The following YWHAE variants were observed in gnomAD, a reference collection of about 807,000 sequenced individuals.
YWHAE encodes the protein 14-3-3 protein epsilon.
In YWHAE, 4 loss-of-function variants were observed where a neutral mutation model predicts 30.1. That is an observed-to-expected ratio of 0.13 (90% CI 0.07 to 0.30). The LOEUF (loss-of-function observed/expected upper bound fraction) is 0.30. Among genes scored for constraint, YWHAE ranks in the 10% least tolerant of loss-of-function variants. YWHAE has a pLI of 1.00. For synonymous variants in YWHAE, 118 were observed against 111.8 expected (o/e 1.06, Z -0.35); for missense variants, 121 against 315.9 (o/e 0.38, Z 4.68).
intron 5 of YWHAE, among the ~76,000 whole-genome samples, chr17:1,350,183 C>T (rs916249920): frequency 1.3e-5 from 2 of 151,486 alleles, no homozygotes; most frequent in African/African-American, 2.4e-5. Flanking sequence ...AACTCCTGAC[C>T]TCAGGTGATC....
intron 5 of YWHAE, among the ~76,000 whole-genome samples, chr17:1,351,522 C>T (rs1039924461): frequency 6.6e-6 from 1 of 151,860 alleles, no homozygotes; most frequent in East Asian, 2.0e-4. Context: ...CCAAACTCTC[C>T]GCATGCTTTC....
At chr17:1,395,359 C>G (rs1382057555) in intron 1 of YWHAE, among the ~76,000 whole-genome samples, 1 of 152,036 alleles carries the variant, frequency 6.6e-6, no homozygotes, top group Non-Finnish European at 1.5e-5. Context: ...GAAACCTCGT[C>G]TCTACTAAAA....
chr17:1,383,549 C>T lies in YWHAE; in HGVS notation c.64+16498G>A, dbSNP rs559898154. On this transcript the variant is annotated intron_variant, in intron 1 of 5. Transcript: ENST00000264335. ...GATTACAGGCACGTGCCACCACGCC[C>T]GGCAAGTTTTTGTATTTTTAGTAGA... 4.4e-3 allele frequency among the ~76,000 whole-genome samples: 551 copies of T among 125,564 alleles called. 1 individual carries two copies. Among genetic ancestry groups the T allele is most frequent in the Middle Eastern group, 0.011 (3 of 262 alleles). The allele number at this position is 125,564 out of a possible 152,430, so 82.4% of individuals were successfully genotyped here.
intron 1 of YWHAE, among the ~76,000 whole-genome samples, chr17:1,391,944 T>C (rs965000355): frequency 2.6e-5 from 4 of 152,122 alleles, no homozygotes; most frequent in African/African-American, 9.7e-5. Context: ...TTGCCAGCCA[T>C]GGTGGCTCAC....
rs534666379 is a variant in YWHAE, at chr17:1,399,794, C to G, written c.64+253G>C. The G allele has an allele frequency of 3.8e-3, 1,637 of 425,818 alleles. 24 individuals carry two copies. The highest frequency in any genetic ancestry group is 0.016 in the African/African-American group (784 of 47,952). The allele number at this position is 425,818 out of a possible 1,614,324, so 26.4% of individuals were successfully genotyped here. On this transcript the variant is annotated intron_variant, in intron 1 of 5. Transcript: ENST00000264335. ...CTCCCCCCAGCCGCCATTTTACAAC[C>G]AACTCCTCCACCCCGTCGCCCCGGC...
chr17:1,388,523 C>CA (rs771810570), intron 1 of YWHAE, among the ~76,000 whole-genome samples: 5,493 of 124,344 alleles, frequency 0.044, 170 homozygotes, highest in African/African-American at 0.097. Context: ...GACTCTGTCT[C>CA]AAAAAAAAAA....
intron 3 of YWHAE, chr17:1,361,659 T>A (rs2072866945): frequency 6.5e-6 from 3 of 463,204 alleles, no homozygotes; most frequent in Non-Finnish European, 1.1e-5. Context: ...CTAAGCACTG[T>A]GAAATGTATG....
chr17:1,384,487 C>G (rs962052591), intron 1 of YWHAE, among the ~76,000 whole-genome samples: 7 of 149,592 alleles, frequency 4.7e-5, no homozygotes, highest in Non-Finnish European at 8.9e-5. Flanking sequence ...GTCAGGAGAT[C>G]AAGACCATCC....
chr17:1,386,469 T>C (rs1327259363), intron 1 of YWHAE, among the ~76,000 whole-genome samples: 1 of 152,260 alleles, frequency 6.6e-6, no homozygotes, highest in Non-Finnish European at 1.5e-5. Context: ...GTGTCTAAAG[T>C]GTCTAGAACA....
chr17:1,395,094 A>G (rs1007842348), intron 1 of YWHAE, among the ~76,000 whole-genome samples: 14 of 143,932 alleles, frequency 9.7e-5, no homozygotes, highest in Non-Finnish European at 1.7e-4. Flanking sequence ...GTCATCCATG[A>G]AAAAAAAAAA....
At chr17:1,362,151 G>C in intron 2 of YWHAE, 143 bp from the exon 3 acceptor site, 1 of 548,620 alleles carries the variant, frequency 1.8e-6, no homozygotes, top group South Asian at 3.1e-5. Context: ...CTTCCTTCTT[G>C]ACACAAAAGC....
intron 4 of YWHAE, among the ~76,000 whole-genome samples, chr17:1,358,566 G>A (rs573885603): frequency 3.3e-5 from 5 of 151,578 alleles, no homozygotes; most frequent in African/African-American, 1.2e-4. Flanking sequence ...TTGGCCGGGC[G>A]CAGTGGCTCA....
chr17:1,375,954 G>A (rs1321855588), intron 1 of YWHAE, among the ~76,000 whole-genome samples: 1 of 152,176 alleles, frequency 6.6e-6, no homozygotes, highest in Non-Finnish European at 1.5e-5. Context: ...TGCTAAAATA[G>A]GCACTGTTCC....
intron 5 of YWHAE, among the ~76,000 whole-genome samples, chr17:1,350,171 C>T (rs369901978): frequency 2.1e-4 from 32 of 151,632 alleles, no homozygotes; most frequent in South Asian, 1.5e-3. Flanking sequence ...AGGCTGGTCT[C>T]GAACTCCTGA....
At chr17:1,354,108 T>TA in intron 5 of YWHAE, 103 bp downstream of exon 5, 2 of 1,437,504 alleles carry the variant, frequency 1.4e-6, no homozygotes, top group Non-Finnish European at 1.9e-6. Flanking sequence ...GCGGTGAATC[T>TA]AAATTCTAGC....
chr17:1,358,828 T>TAAAA (rs1219797455), intron 4 of YWHAE, among the ~76,000 whole-genome samples: 1 of 64,300 alleles, frequency 1.6e-5, no homozygotes, highest in African/African-American at 4.6e-5. Flanking sequence ...AGACTCCATC[T>TAAAA]TAAAAAAAAA....
intron 1 of YWHAE, among the ~76,000 whole-genome samples, chr17:1,382,000 AAAG>A (rs72438542): frequency 0.073 from 11,016 of 151,440 alleles, 1,231 homozygotes; most frequent in African/African-American, 0.24. Flanking sequence ...AAAAGTTATT[AAAG>A]GAGACTCAAA....
At chr17:1,383,165 AC>A (rs1217320639) in intron 1 of YWHAE, among the ~76,000 whole-genome samples, 3 of 151,916 alleles carry the variant, frequency 2.0e-5, no homozygotes, top group Non-Finnish European at 2.9e-5. Flanking sequence ...AGCCTGACCA[AC>A]ATAGAGAAAC....
At chr17:1,378,088 G>A (rs555995944) in intron 1 of YWHAE, among the ~76,000 whole-genome samples, 1 of 152,186 alleles carries the variant, frequency 6.6e-6, no homozygotes, top group Admixed American at 6.5e-5. Flanking sequence ...GTTTGGAGGG[G>A]ATAGTATGCA....
Sources: gnomAD v4.1 joint callset for allele counts (sites outside exome capture counted in the v4.1 genomes callset) on GRCh38, gnomAD v4.1.1 for gene constraint, MANE v1.5 for transcripts, NCBI Gene and HGNC (gene_info 2026-07-23, HGNC 2026-07-21) for gene names.